RGL2: variants seen among roughly 807,000 people sequenced by gnomAD.
RGL2 encodes the protein ral guanine nucleotide dissociation stimulator like 2.
A neutral mutation model predicts 84.6 loss-of-function variants in RGL2; 40 were observed. The ratio of observed to expected loss-of-function variants is 0.47; its 90% CI spans 0.37 to 0.62. The LOEUF is 0.62. Ranked by LOEUF, RGL2 falls within the 20% of genes least tolerant of loss-of-function variation. The pLI is 0.00. For missense variants in RGL2, 865 were observed against 1,019.7 expected (o/e 0.85, Z 2.07); for synonymous variants, 369 against 417.3 (o/e 0.88, Z 1.41).
chr6:33,298,571 G>C lies in RGL2; in HGVS notation c.40C>G (p.Pro14Ala). 6.8e-7 allele frequency: 1 copy of C among 1,470,282 alleles called. No individual in the cohort carries two copies. The highest frequency in any genetic ancestry group is 9.0e-7 in the Non-Finnish European group (1 of 1,110,868). 91.1% of individuals were successfully genotyped at this position (1,470,282 alleles called of 1,614,324 possible). A position where few individuals can be genotyped will look rare whatever the true frequency, so the allele number is the denominator to read the frequency against. ...RPLRLLLDTS[P>A]PGGVVLSSFR... ...CTGCTCAGTACGACTCCCCCGGGGG[G>C]GCTCGTGTCCAAAAGCAGCCGCAGG... Residue 14 changes from proline to alanine, a missense_variant, in exon 2 of 18, where the codon CCC becomes GCC. By Grantham distance (27) the Pro-to-Ala change is conservative (BLOSUM62 -1). Around this residue, in one of 5 missense-constraint regions of RGL2, gnomAD observed 23 missense variants for 22.7 expected, o/e 1.01. Transcript: ENST00000497454. This position sits in a 1 kb window ranked among gnomAD's most constrained non-coding sequence, Gnocchi z 4.8.
chr6:33,291,760 C>T lies in RGL2; in HGVS notation c.*342G>A, dbSNP rs1767407685. On this transcript the variant is annotated 3_prime_UTR_variant, in exon 18 of 18. Transcript: ENST00000497454. ...GCGAGGACCTACATTTTGCCATTCC[C>T]CTCTGCCCTGGGGCTCAGAGCCTTG... The T allele has an allele frequency of 1.9e-5, 9 of 478,626 alleles. No individual in the cohort carries two copies. Among genetic ancestry groups the T allele is most frequent in the Non-Finnish European group, 3.4e-5 (9 of 267,862 alleles). 29.6% of individuals were successfully genotyped at this position (478,626 alleles called of 1,614,324 possible).
Position 33,294,062 on chromosome 6 carries a change from C to A in RGL2, c.1358G>T (p.Gly453Val). The A allele has an allele frequency of 6.2e-7, 1 of 1,611,104 alleles. No homozygotes were observed. Among genetic ancestry groups the A allele is most frequent in the Non-Finnish European group, 8.5e-7 (1 of 1,177,746 alleles). ...CCTCCGCTTGTCAAAATTGATGTAT[C>A]CATTCTGCGAGGAAAATGGGGATGG... The part of the protein sequence containing the change: ...DAASKDELEN[G>V]YINFDKRRKE... The change falls in exon 12 of 18, where the codon GGA (glycine) becomes GTA (valine). Residue 453 changes from glycine (G) to valine (V), a missense_variant. Gly to Val is a moderately radical substitution (Grantham distance 109). Around this residue, in one of 5 missense-constraint regions of RGL2, gnomAD observed 75 missense variants for 130.8 expected, o/e 0.57. Coordinates refer to ENST00000497454, the MANE Select transcript of RGL2 (RefSeq NM_004761.5). This position sits in a 1 kb window ranked among gnomAD's most constrained non-coding sequence, Gnocchi z 5.0.
At position 33,298,353 on chromosome 6, in the gene RGL2, T is replaced by C; in HGVS notation, c.156+102A>G. 1.6e-6 allele frequency: 1 copy of C among 641,706 alleles called. No individual in the cohort carries two copies. The highest frequency in any genetic ancestry group is 2.6e-6 in the Non-Finnish European group (1 of 382,276). 39.8% of individuals were successfully genotyped at this position (641,706 alleles called of 1,614,324 possible). A position where few individuals can be genotyped will look rare whatever the true frequency, so the allele number is the denominator to read the frequency against. ...GCCGACACCCAGGGAGGCGCGAGAA[T>C]AACTGAGGCAAGGAGGAGGAGATGT... On this transcript the variant is annotated intron_variant, in intron 2 of 17. Coordinates refer to ENST00000497454, the MANE Select transcript of RGL2 (RefSeq NM_004761.5). This position sits in a 1 kb window ranked among gnomAD's most constrained non-coding sequence, Gnocchi z 4.8.
At position 33,295,815 on chromosome 6, in the gene RGL2, A is replaced by C; in HGVS notation, c.769-56T>G. 1 of 1,571,336 alleles carries C rather than the reference A, an allele frequency of 6.4e-7. No individual in the cohort carries two copies. Among genetic ancestry groups the C allele is most frequent in the Non-Finnish European group, 8.7e-7 (1 of 1,151,686 alleles). On this transcript the variant is annotated intron_variant, in intron 6 of 17. Transcript: ENST00000497454. The surrounding 1 kb of genome is among the most constrained non-coding windows in gnomAD (Gnocchi z 7.2). Reference sequence around the variant, plus strand: ...ATAGTCAAGTGAGGTCAGCCTTCCAATATCAGGGATCTGAGGATCTCAGGT... The same window carrying C: ...ATAGTCAAGTGAGGTCAGCCTTCCACTATCAGGGATCTGAGGATCTCAGGT...
Position 33,293,111 on chromosome 6 carries a change from C to T in RGL2, c.1912G>A (p.Gly638Arg). 1 of 1,614,044 alleles carries T rather than the reference C, an allele frequency of 6.2e-7. No individual in the cohort carries two copies. Residue 638 changes from glycine to arginine, a missense_variant, in exon 16 of 18, where the codon GGG becomes AGG. This residue lies in a region of RGL2 where 302 missense variants were observed against 327.9 expected (regional missense o/e 0.92). Transcript: ENST00000497454. This position sits in a 1 kb window ranked among gnomAD's most constrained non-coding sequence, Gnocchi z 7.0. ...AEEASGGTGYGGEGSGPGASD... is the reference protein window; with the variant it reads ...AEEASGGTGYRGEGSGPGASD... The stretch of plus-strand genomic sequence containing the variant: ...GCCCCTGGCCCAGATCCCTCTCCCC[C>T]ATATCCAGTCCCCCCGGAGGCCTCT...
intron 16 of RGL2, 151 bp from the exon 17 acceptor site, chr6:33,292,695 T>C: frequency 1.4e-6 from 1 of 701,798 alleles, no homozygotes; most frequent in Non-Finnish European, 2.4e-6. Context: ...CTATACCCCA[T>C]AAGCCAGCCC....
In RGL2 at chr6:33,297,012, A is replaced by G. The variant is rs1262425382; in HGVS notation, c.240+20T>C. 3 of 1,589,628 alleles carry G rather than the reference A, an allele frequency of 1.9e-6. No homozygotes were observed. Among genetic ancestry groups the G allele is most frequent in the Non-Finnish European group, 2.6e-6 (3 of 1,166,938 alleles). ...TGGGAATGAAGAGTCAGAGGTGAGA[A>G]GCTAAAGTCATGATCTCACCAAGGG... On this transcript the variant is annotated intron_variant, in intron 3 of 17. Coordinates refer to ENST00000497454, the MANE Select transcript of RGL2 (RefSeq NM_004761.5). The surrounding 1 kb of genome is among the most constrained non-coding windows in gnomAD (Gnocchi z 4.0).
Position 33,297,238 on chromosome 6 carries a change from G to C in RGL2, c.157-123C>G. 1.4e-6 allele frequency: 1 copy of C among 728,764 alleles called. No individual in the cohort carries two copies. Among genetic ancestry groups the C allele is most frequent in the South Asian group, 2.0e-5 (1 of 49,382 alleles). The allele number at this position is 728,764 out of a possible 1,614,324, so 45.1% of individuals were successfully genotyped here. A position where few individuals can be genotyped will look rare whatever the true frequency, so the allele number is the denominator to read the frequency against. ...CCTGTGGTGGCAGGGCATAGTACCA[G>C]CGAGTGCGAGGAAGGGTTGGGGGAG... On this transcript the variant is annotated intron_variant, in intron 2 of 17. Coordinates refer to ENST00000497454, the MANE Select transcript of RGL2 (RefSeq NM_004761.5). The surrounding 1 kb of genome is among the most constrained non-coding windows in gnomAD (Gnocchi z 4.0).
rs1283712799 is a variant in RGL2, at chr6:33,294,326, G to A, written c.1354-260C>T. Among the ~76,000 whole-genome samples the A allele has an allele frequency of 6.6e-6, 1 of 151,938 alleles. No homozygotes were observed. The highest frequency in any genetic ancestry group is 1.5e-5 in the Non-Finnish European group (1 of 67,976). ...GAGAGGACTGGATAGTATCCAATTC[G>A]ACAGGATTCCTTATCCAGAGAGGAT... is the stretch of plus-strand genomic sequence containing the variant. On this transcript the variant is annotated intron_variant, in intron 11 of 17. Transcript: ENST00000497454. This position sits in a 1 kb window ranked among gnomAD's most constrained non-coding sequence, Gnocchi z 5.0.
chr6:33,297,918 AC>A lies in RGL2; in HGVS notation c.156+536del, dbSNP rs1768148910. 7.6e-6 allele frequency: 1 copy of A among 132,360 alleles called. No homozygotes were observed. Among genetic ancestry groups the A allele is most frequent in the Non-Finnish European group, 1.5e-5 (1 of 65,212 alleles). The allele number at this position is 132,360 out of a possible 1,614,324, so 8.2% of individuals were successfully genotyped here. Reference sequence around the variant, plus strand: ...TAATCCCTAATGAAAACAGATGACCACTCTCTACCCACCCTAGGATCTTTCC... The same window carrying A: ...TAATCCCTAATGAAAACAGATGACCATCTCTACCCACCCTAGGATCTTTCC... On this transcript the variant is annotated intron_variant, in intron 2 of 17. Coordinates refer to ENST00000497454, the MANE Select transcript of RGL2 (RefSeq NM_004761.5). The surrounding 1 kb of genome is among the most constrained non-coding windows in gnomAD (Gnocchi z 4.0).
In RGL2 at chr6:33,296,356, G is replaced by C. The variant is rs199720295; in HGVS notation, c.471-31C>G. The C allele has an allele frequency of 1.1e-5, 17 of 1,605,766 alleles. 1 individual carries two copies. In the Admixed American group the frequency reaches 2.7e-4, roughly 25 times the overall value. ...AGAAGGGAATCAGCCAAGGGTGAGA[G>C]GTAAAGCTGCAGCCTGGGCAGAGGG... is the stretch of plus-strand genomic sequence containing the variant. On this transcript the variant is annotated intron_variant, in intron 5 of 17. Coordinates refer to ENST00000497454, the MANE Select transcript of RGL2 (RefSeq NM_004761.5). This position sits in a 1 kb window ranked among gnomAD's most constrained non-coding sequence, Gnocchi z 5.0.
Position 33,297,182 on chromosome 6 carries a change from C to G in RGL2, c.157-67G>C. The stretch of plus-strand genomic sequence containing the variant: ...CCCCCCATTGCCCTCAGCCTTCACC[C>G]CAGGCCCTGCTCCTCCCTCTGTACC... On this transcript the variant is annotated intron_variant, in intron 2 of 17. Transcript: ENST00000497454. The surrounding 1 kb of genome is among the most constrained non-coding windows in gnomAD (Gnocchi z 4.0). 8.1e-7 allele frequency: 1 copy of G among 1,232,296 alleles called. No individual in the cohort carries two copies. Among genetic ancestry groups the G allele is most frequent in the South Asian group, 1.4e-5 (1 of 68,982 alleles). The allele number at this position is 1,232,296 out of a possible 1,614,324, so 76.3% of individuals were successfully genotyped here.
chr6:33,299,383 A>C (rs1768344639), upstream of RGL2: 1 of 152,018 alleles, frequency 6.6e-6, no homozygotes, highest in Non-Finnish European at 1.5e-5. This position sits in a 1 kb window ranked among gnomAD's most constrained non-coding sequence, Gnocchi z 5.0. Context: ...AGCTGACCGA[A>C]ATCCCGGCCG....
Position 33,298,238 on chromosome 6 carries a change from C to A in RGL2, c.156+217G>T, listed in dbSNP as rs1768197726. On this transcript the variant is annotated intron_variant, in intron 2 of 17. Coordinates refer to ENST00000497454, the MANE Select transcript of RGL2 (RefSeq NM_004761.5). The surrounding 1 kb of genome is among the most constrained non-coding windows in gnomAD (Gnocchi z 4.8). ...AGGACAGCCAGCCAGAAGTTCCAGGCAGGAACAGGGCAGGTTCCTGCGGGC... is the reference window on the plus strand; with the variant it reads ...AGGACAGCCAGCCAGAAGTTCCAGGAAGGAACAGGGCAGGTTCCTGCGGGC... 4.2e-6 allele frequency: 2 copies of A among 477,718 alleles called. No individual in the cohort carries two copies. The highest frequency in any genetic ancestry group is 3.4e-5 in the South Asian group (1 of 29,652). 29.6% of individuals were successfully genotyped at this position (477,718 alleles called of 1,614,324 possible).
At position 33,291,933 on chromosome 6, in the gene RGL2, G is replaced by A; in HGVS notation, c.*169C>T. 2 of 698,682 alleles carry A rather than the reference G, an allele frequency of 2.9e-6. No individual in the cohort carries two copies. The highest frequency in any genetic ancestry group is 2.7e-5 in the East Asian group (1 of 37,088). 43.3% of individuals were successfully genotyped at this position (698,682 alleles called of 1,614,324 possible). On this transcript the variant is annotated 3_prime_UTR_variant, in exon 18 of 18. Coordinates refer to ENST00000497454, the MANE Select transcript of RGL2 (RefSeq NM_004761.5). The stretch of plus-strand genomic sequence containing the variant: ...TGGTTATAAGACACCAGTTCCCACA[G>A]GGCTGGATTTCTCAGCTGTCTGGTA...
chr6:33,293,640 A>ACC lies in RGL2; in HGVS notation c.1566_1567dup (p.Val523GlyfsTer46), dbSNP rs904941255. The ACC allele has an allele frequency of 6.2e-7, 1 of 1,614,070 alleles. No homozygotes were observed. Among genetic ancestry groups the ACC allele is most frequent in the African/African-American group, 1.3e-5 (1 of 75,004 alleles). On this transcript the variant is annotated frameshift_variant, in exon 14 of 18. Coordinates refer to ENST00000497454, the MANE Select transcript of RGL2 (RefSeq NM_004761.5). LOFTEE classifies it high-confidence loss of function. The surrounding 1 kb of genome is among the most constrained non-coding windows in gnomAD (Gnocchi z 7.0). The stretch of plus-strand genomic sequence containing the variant: ...CGAGATGACCAATGTTGGCCGAAGC[A>ACC]CCCGTGGGGCAGGAGGGTCACTGGA...
Position 33,297,072 on chromosome 6 carries a change from A to G in RGL2, c.200T>C (p.Phe67Ser). 4 of 1,573,764 alleles carry G rather than the reference A, an allele frequency of 2.5e-6. No homozygotes were observed. Among genetic ancestry groups the G allele is most frequent in the Non-Finnish European group, 3.4e-6 (4 of 1,162,598 alleles). ...VWDEEEDGAV[F>S]TVTSRQYRPL... ...TCGATATTGGCGGCTTGTGACGGTA[A>G]ACACGGCACCATCCTCCTCCTCATC... The change falls in exon 3 of 18, where the codon TTT becomes TCT. Residue 67 changes from phenylalanine (F) to serine (S), a missense_variant. This residue lies in a region of RGL2 where 455 missense variants were observed against 507.8 expected (regional missense o/e 0.90). Coordinates refer to ENST00000497454, the MANE Select transcript of RGL2 (RefSeq NM_004761.5). This position sits in a 1 kb window ranked among gnomAD's most constrained non-coding sequence, Gnocchi z 4.0.
chr6:33,292,100 C>T lies in RGL2; in HGVS notation c.*2G>A. 6.2e-7 allele frequency: 1 copy of T among 1,614,156 alleles called. No homozygotes were observed. Among genetic ancestry groups the T allele is most frequent in the Non-Finnish European group, 8.5e-7 (1 of 1,180,022 alleles). On this transcript the variant is annotated 3_prime_UTR_variant, in exon 18 of 18. Transcript: ENST00000497454. ...CTTCTGTAAGCCAACGGGGCTTCCT[C>T]CTCAGAACAGTGCCCGTGCAATCTT...
chr6:33,294,913 A>G lies in RGL2; in HGVS notation c.1278+64T>C. Reference sequence around the variant, plus strand: ...TACCCATCCTTCAGGCTGCTCCCCCAAAACATACTCCTCACCCCTTCATAA... The same window carrying G: ...TACCCATCCTTCAGGCTGCTCCCCCGAAACATACTCCTCACCCCTTCATAA... On this transcript the variant is annotated intron_variant, in intron 10 of 17. Transcript: ENST00000497454. This position sits in a 1 kb window ranked among gnomAD's most constrained non-coding sequence, Gnocchi z 5.0. 11 of 1,530,104 alleles carry G rather than the reference A, an allele frequency of 7.2e-6. No individual in the cohort carries two copies. Among genetic ancestry groups the G allele is most frequent in the Non-Finnish European group, 9.7e-6 (11 of 1,130,002 alleles). The allele number at this position is 1,530,104 out of a possible 1,614,324, so 94.8% of individuals were successfully genotyped here.
Sources: allele counts gnomAD v4.1 joint callset (sites outside exome capture counted in the v4.1 genomes callset), GRCh38; gene constraint gnomAD v4.1.1; regional missense constraint gnomAD v4.1.1; non-coding constraint Gnocchi (gnomAD v3.1); transcripts MANE v1.5; gene names NCBI Gene and HGNC (gene_info 2026-07-23, HGNC 2026-07-21).